Variants in CENPV observed in about 807,000 individuals in gnomAD.
The protein encoded by CENPV is centromere protein V, also known as nuclear protein p30.
Under a neutral mutation model 26.4 loss-of-function variants are expected in CENPV, and 15 were observed. That is an observed-to-expected ratio of 0.57 (90% CI 0.38 to 0.88). CENPV has a LOEUF of 0.88. Among genes scored for constraint, CENPV ranks in the 40% least tolerant of loss-of-function variants. CENPV has a pLI of 0.00. For missense variants in CENPV, 336 were observed against 376.5 expected, an observed-to-expected ratio of 0.89 and a Z score of 0.89; for synonymous variants, 172 against 165.5, an observed-to-expected ratio of 1.04 and a Z score of -0.30.
In CENPV at chr17:16,353,363, G is replaced by GCGGGGGCCA; in HGVS notation, c.73_74insTGGCCCCCG (p.Pro24_Ala25insValAlaPro). On this transcript the variant is annotated inframe_insertion, in exon 1 of 5. Transcript: ENST00000299736. ...TGCCAAGGCAGCGGCCGCGGAGGCC[G>GCGGGGGCCA]CGGGGGCCGCGGAGGCCCCGGACCG... 1 of 1,237,118 alleles carries GCGGGGGCCA rather than the reference G, an allele frequency of 8.1e-7. No homozygotes were observed. The highest frequency in any genetic ancestry group is 1.7e-5 in the African/African-American group (1 of 58,890). 76.6% of individuals were successfully genotyped at this position (1,237,118 alleles called of 1,614,324 possible).
chr17:16,346,262 G>A (rs2093206030), intron 3 of CENPV, among the ~76,000 whole-genome samples: 1 of 152,098 alleles, frequency 6.6e-6, no homozygotes. Context: ...TATTCCAAAT[G>A]TCTCAATGAC....
Position 16,349,958 on chromosome 17 carries a change from G to A in CENPV, c.482C>T (p.Ser161Leu), listed in dbSNP as rs769755093. The A allele has an allele frequency of 7.4e-6, 12 of 1,613,874 alleles. No homozygotes were observed. In the Admixed American group the frequency reaches 1.0e-4, roughly 13 times the overall value. Residue 161 changes from serine to leucine, a missense_variant, in exon 2 of 5, where the codon TCA becomes TTA. Ser to Leu is a moderately radical substitution (Grantham distance 145). Around this residue, in one of 2 missense-constraint regions of CENPV, gnomAD observed 155 missense variants for 227.8 expected, o/e 0.68. Coordinates refer to ENST00000299736, the MANE Select transcript of CENPV (RefSeq NM_181716.3). ...CGAVRFEVWA[S>L]ADLHIFDCNC... ...GCAGTCAAATATATGCAAGTCTGCT[G>A]AGGCCCAAACTTCAAAACGAACTGC...
At chr17:16,350,448 A>G (rs1568869139) in intron 1 of CENPV, among the ~76,000 whole-genome samples, 1 of 151,936 alleles carries the variant, frequency 6.6e-6, no homozygotes, top group Non-Finnish European at 1.5e-5. Flanking sequence ...GGTTGAAGCA[A>G]TTCTCCAGCC....
chr17:16,347,896 T>C (rs1025183278), intron 3 of CENPV: 5 of 152,192 alleles, frequency 3.3e-5, no homozygotes, highest in African/African-American at 7.2e-5. Flanking sequence ...AAGCTTTTCA[T>C]TGGGAAATGA....
rs76410968 is a variant in CENPV at position 16,344,752 on chromosome 17, G to A, written c.580-41C>T. On this transcript the variant is annotated intron_variant, in intron 3 of 4. Transcript: ENST00000299736. ...CAAACGGTATTCTTTTTTACAAAGA[G>A]ATTTATTTATTTAATTTATTTATTT... is the stretch of plus-strand genomic sequence containing the variant. 2.2e-3 allele frequency: 2,560 copies of A among 1,155,058 alleles called. 41 individuals carry two copies. The African/African-American group carries it at 0.034, about 16-fold the overall frequency. The allele number at this position is 1,155,058 out of a possible 1,614,324, so 71.6% of individuals were successfully genotyped here.
intron 3 of CENPV, chr17:16,348,348 G>C: frequency 1.8e-6 from 1 of 566,356 alleles, no homozygotes; most frequent in Non-Finnish European, 2.6e-6. Context: ...GTAGAGATAG[G>C]GTTTCACCAT....
chr17:16,352,907 TA>T, intron 1 of CENPV, 119 bp downstream of exon 1: 2 of 1,326,852 alleles, frequency 1.5e-6, no homozygotes, highest in South Asian at 3.6e-5. Flanking sequence ...GTCGGCTCCG[TA>T]ACGTGGAAGG....
rs1398469403 is a variant in CENPV at position 16,353,363 on chromosome 17, G to GCGGGGGCCGCGGAGGCCC, written c.56_73dup (p.Gly19_Pro24dup). On this transcript the variant is annotated inframe_insertion, in exon 1 of 5. Transcript: ENST00000299736. ...TGCCAAGGCAGCGGCCGCGGAGGCC[G>GCGGGGGCCGCGGAGGCCC]CGGGGGCCGCGGAGGCCCCGGACCG... 8.1e-7 allele frequency: 1 copy of GCGGGGGCCGCGGAGGCCC among 1,237,024 alleles called. No homozygotes were observed. Among genetic ancestry groups the GCGGGGGCCGCGGAGGCCC allele is most frequent in the Admixed American group, 4.4e-5 (1 of 22,964 alleles). 76.6% of individuals were successfully genotyped at this position (1,237,024 alleles called of 1,614,324 possible).
Position 16,353,375 on chromosome 17 carries a change from G to GAGGCCCCGC in CENPV, c.61_62insGCGGGGCCT (p.Ala20_Ser21insCysGlyAla). 5 of 1,241,212 alleles carry GAGGCCCCGC rather than the reference G, an allele frequency of 4.0e-6. No homozygotes were observed. Among genetic ancestry groups the GAGGCCCCGC allele is most frequent in the Non-Finnish European group, 5.0e-6 (5 of 995,666 alleles). 76.9% of individuals were successfully genotyped at this position (1,241,212 alleles called of 1,614,324 possible). A position where few individuals can be genotyped will look rare whatever the true frequency, so the allele number is the denominator to read the frequency against. ...GGCCGCGGAGGCCGCGGGGGCCGCG[G>GAGGCCCCGC]AGGCCCCGGACCGCTTCTGCCCGCG... On this transcript the variant is annotated inframe_insertion, in exon 1 of 5. Coordinates refer to ENST00000299736, the MANE Select transcript of CENPV (RefSeq NM_181716.3).
In CENPV at chr17:16,342,998, T is replaced by A; in HGVS notation, c.695-57A>T. 3.1e-6 allele frequency: 5 copies of A among 1,604,130 alleles called. No individual in the cohort carries two copies. In the Admixed American group the frequency reaches 8.4e-5, roughly 27 times the overall value. ...CCTCAGTATGGGTGAGACCAGATGG[T>A]GTACCGGCTCCTGGATAAGCCCCCA... On this transcript the variant is annotated intron_variant, in intron 4 of 4. Transcript: ENST00000299736.
At chr17:16,346,335 C>A (rs56952590) in intron 3 of CENPV, among the ~76,000 whole-genome samples, 2,514 of 152,228 alleles carry the variant, frequency 0.017, 109 homozygotes, top group East Asian at 0.098. Flanking sequence ...TTGAAAATGT[C>A]CCTCAATAGA....
chr17:16,351,422 T>C (rs1036063143), intron 1 of CENPV: 10 of 152,232 alleles, frequency 6.6e-5, no homozygotes, highest in Non-Finnish European at 1.3e-4. Context: ...CAGTTTTAAT[T>C]TGCATGATTA....
At chr17:16,348,393 G>A (rs2093216222) in intron 3 of CENPV, 2 of 1,113,988 alleles carry the variant, frequency 1.8e-6, no homozygotes, top group East Asian at 7.4e-5. Context: ...CTGACTTCAG[G>A]TGATCCATCC....
At position 16,342,554 on chromosome 17, in the gene CENPV, TTA is replaced by T; in HGVS notation, c.*261_*262del. 3.6e-6 allele frequency: 2 copies of T among 551,082 alleles called. No homozygotes were observed. Among genetic ancestry groups the T allele is most frequent in the South Asian group, 5.6e-5 (2 of 36,022 alleles). The allele number at this position is 551,082 out of a possible 1,614,324, so 34.1% of individuals were successfully genotyped here. Reference sequence around the variant, plus strand: ...GTGACTGCTTTAATGTTAAAAATATTTATTTTTTTTCCTAAAAGATCACACAA... The same window carrying T: ...GTGACTGCTTTAATGTTAAAAATATTTTTTTTTTCCTAAAAGATCACACAA... On this transcript the variant is annotated 3_prime_UTR_variant, in exon 5 of 5. Coordinates refer to ENST00000299736, the MANE Select transcript of CENPV (RefSeq NM_181716.3).
intron 3 of CENPV, chr17:16,347,802 C>G (rs866281178): frequency 1.3e-5 from 2 of 152,030 alleles, no homozygotes; most frequent in Non-Finnish European, 2.9e-5. Flanking sequence ...TGTGTATATA[C>G]ACATTTTCTT....
chr17:16,346,647 A>T (rs774743725), intron 3 of CENPV, among the ~76,000 whole-genome samples: 6 of 152,048 alleles, frequency 3.9e-5, no homozygotes, highest in Non-Finnish European at 8.8e-5. Context: ...GCTACTCAGG[A>T]GGCTGAAGCA....
chr17:16,348,373 T>G, intron 3 of CENPV: 1 of 894,034 alleles, frequency 1.1e-6, no homozygotes, highest in Non-Finnish European at 1.5e-6. Flanking sequence ...GCCAGGCTGG[T>G]CCTCAACTCC....
rs1300047640 is a variant in CENPV, at chr17:16,348,520, C to T, written c.579+96G>A. On this transcript the variant is annotated intron_variant, in intron 3 of 4. Transcript: ENST00000299736. ...AGGCCCTGCTATGCTCCAGGCCCCT[C>T]CCATGCTACAGACGGCATGCTAACA... is the stretch of plus-strand genomic sequence containing the variant. 6.9e-6 allele frequency: 11 copies of T among 1,583,302 alleles called. No individual in the cohort carries two copies. In the East Asian group the frequency reaches 2.5e-4, roughly 36 times the overall value.
rs2093234918 is a variant in CENPV, at chr17:16,353,197, C to A, written c.240G>T (p.Pro80=). The A allele has an allele frequency of 2.9e-6, 4 of 1,368,460 alleles. No homozygotes were observed. Among genetic ancestry groups the A allele is most frequent in the East Asian group, 3.1e-5 (1 of 32,750 alleles). The allele number at this position is 1,368,460 out of a possible 1,614,324, so 84.8% of individuals were successfully genotyped here. A position where few individuals can be genotyped will look rare whatever the true frequency, so the allele number is the denominator to read the frequency against. ...GTGGCGGGAGCAACGCCAGCTCAGGCGGCGGCGGCTCCCCCGGGCCCTCCT... is the reference window on the plus strand; with the variant it reads ...GTGGCGGGAGCAACGCCAGCTCAGGAGGCGGCGGCTCCCCCGGGCCCTCCT... ...AQEEGPGEPP[P]PELALLPPPP... is the part of the protein sequence containing the mutation. The change falls in exon 1 of 5, where the codon CCG becomes CCT. Residue 80 remains proline, a synonymous_variant. Transcript: ENST00000299736.
Sources: allele counts gnomAD v4.1 joint callset (sites outside exome capture counted in the v4.1 genomes callset), GRCh38; gene constraint gnomAD v4.1.1; regional missense constraint gnomAD v4.1.1; transcripts MANE v1.5; gene names NCBI Gene and HGNC (gene_info 2026-07-23, HGNC 2026-07-21).